The following NTRK3 variants were observed in gnomAD, a reference collection of about 807,000 sequenced individuals.
NTRK3 encodes NT-3 growth factor receptor.
NTRK3 carries 24 observed loss-of-function variants against 91.7 expected under a neutral mutation model. The observed-to-expected ratio is 0.26, with a 90% CI of 0.19 to 0.37. NTRK3 has a LOEUF of 0.37. Ranked by LOEUF, NTRK3 falls within the 10% of genes least tolerant of loss-of-function variation. The pLI, the probability that NTRK3 is intolerant of heterozygous loss-of-function variation, is 1.00. For missense variants in NTRK3, 880 were observed against 1,068.9 expected (o/e 0.82, Z 2.46); for synonymous variants, 483 against 404.0 (o/e 1.20, Z -2.34).
intron 14 of NTRK3, among the ~76,000 whole-genome samples, chr15:87,965,164 C>T (rs1401424036): frequency 6.6e-6 from 1 of 152,174 alleles, no homozygotes; most frequent in Non-Finnish European, 1.5e-5. Context: ...AGGCAGAAAG[C>T]TGAAATGTTA....
chr15:88,188,766 C>T (rs1400938190), intron 3 of NTRK3, among the ~76,000 whole-genome samples: 1 of 152,234 alleles, frequency 6.6e-6, no homozygotes, highest in Non-Finnish European at 1.5e-5. Flanking sequence ...TGTTGGCCTG[C>T]TGGACCGTGG....
At chr15:88,063,200 T>C (rs896643976) in intron 13 of NTRK3, among the ~76,000 whole-genome samples, 1 of 152,212 alleles carries the variant, frequency 6.6e-6, no homozygotes, top group African/African-American at 2.4e-5. Context: ...TAGGAGCACA[T>C]AGTGAGTGCT....
At chr15:88,082,055 T>C (rs1400639530) in intron 13 of NTRK3, among the ~76,000 whole-genome samples, 2 of 152,010 alleles carry the variant, frequency 1.3e-5, no homozygotes, top group African/African-American at 4.8e-5. Flanking sequence ...GGCAGGCAGA[T>C]CACGAGGCCA....
At chr15:88,079,586 A>G (rs191460955) in intron 13 of NTRK3, among the ~76,000 whole-genome samples, 141 of 152,352 alleles carry the variant, frequency 9.3e-4, no homozygotes, top group African/African-American at 3.2e-3. Context: ...TGGCAAGAGA[A>G]TTCTAGAACA....
intron 3 of NTRK3, among the ~76,000 whole-genome samples, chr15:88,197,106 A>AAAAC (rs2047897598): frequency 1.6e-5 from 2 of 125,440 alleles, no homozygotes; most frequent in Non-Finnish European, 3.2e-5. Context: ...AAAAAAAAAA[A>AAAAC]AAAAAAAAAA....
At chr15:88,081,796 G>C (rs2048067748) in intron 13 of NTRK3, among the ~76,000 whole-genome samples, 1 of 152,188 alleles carries the variant, frequency 6.6e-6, no homozygotes, top group Non-Finnish European at 1.5e-5. Flanking sequence ...CCAACCTCCA[G>C]GGCCCTGCCA....
chr15:88,156,744 G>A (rs1466290105), intron 5 of NTRK3, among the ~76,000 whole-genome samples: 1 of 152,150 alleles, frequency 6.6e-6, no homozygotes, highest in Middle Eastern at 3.2e-3. Flanking sequence ...CTGCTGGCCT[G>A]GAGTGACAGC....
At position 88,218,849 on chromosome 15, in the gene NTRK3, G is replaced by T. The variant is rs532165507; in HGVS notation, c.249-34550C>A. 1.1e-3 allele frequency among the ~76,000 whole-genome samples: 175 copies of T among 152,292 alleles called. 1 individual carries two copies. Among genetic ancestry groups the T allele is most frequent in the South Asian group, 3.1e-3 (15 of 4,824 alleles). ...GCTTTAGAGTGCTCAGGAATCCCTT[G>T]CCCTAAGAGTTCTCTATTCTCATCC... On this transcript the variant is annotated intron_variant, in intron 3 of 18. Coordinates refer to ENST00000394480, the Ensembl canonical transcript of NTRK3.
At chr15:87,989,391 A>T (rs2075105254) in intron 14 of NTRK3, among the ~76,000 whole-genome samples, 1 of 152,164 alleles carries the variant, frequency 6.6e-6, no homozygotes, top group African/African-American at 2.4e-5. Flanking sequence ...TTCTCAGCAA[A>T]CTATCGCAAG....
At chr15:88,056,676 TC>T (rs1476603562) in intron 13 of NTRK3, among the ~76,000 whole-genome samples, 3 of 152,238 alleles carry the variant, frequency 2.0e-5, no homozygotes, top group Non-Finnish European at 4.4e-5. Context: ...TTAGCATGGT[TC>T]CGCATGGTCT....
rs548839815 is a variant in NTRK3, at chr15:88,083,951, G to A, written c.1396+42320C>T. 1.4e-3 allele frequency among the ~76,000 whole-genome samples: 209 copies of A among 151,934 alleles called. 1 individual carries two copies. The highest frequency in any genetic ancestry group is 4.8e-3 in the African/African-American group (198 of 41,446). On this transcript the variant is annotated intron_variant, in intron 13 of 18. Coordinates refer to ENST00000394480, the Ensembl canonical transcript of NTRK3. ...CCCAGACCCTGGCAGAGACACACAC[G>A]TTTTAACAAACACTCTTCCCCTAAT...
exon 3 of NTRK3, chr15:88,256,160 T>A: frequency 6.6e-7 from 1 of 1,512,552 alleles, no homozygotes; most frequent in South Asian, 1.1e-5. Context: ...CCATCTCCGA[T>A]CGCTGCTTCT....
At chr15:88,057,745 C>T (rs2045853248) in intron 13 of NTRK3, among the ~76,000 whole-genome samples, 1 of 152,210 alleles carries the variant, frequency 6.6e-6, no homozygotes, top group South Asian at 2.1e-4. Context: ...CCACTTCCAG[C>T]CACCCAGGGC....
chr15:88,104,518 A>C (rs1206603321), intron 13 of NTRK3, among the ~76,000 whole-genome samples: 2 of 152,138 alleles, frequency 1.3e-5, no homozygotes, highest in East Asian at 3.9e-4. Flanking sequence ...TCATCAGCAC[A>C]ATGTTTTGAC....
At chr15:88,114,418 TACA>T (rs2051803546) in intron 13 of NTRK3, among the ~76,000 whole-genome samples, 1 of 152,122 alleles carries the variant, frequency 6.6e-6, no homozygotes, top group Non-Finnish European at 1.5e-5. Flanking sequence ...CTCTTTATTT[TACA>T]ACAACAAAAA....
intron 14 of NTRK3, among the ~76,000 whole-genome samples, chr15:87,985,306 A>G (rs1222122295): frequency 4.6e-5 from 7 of 152,198 alleles, no homozygotes; most frequent in Non-Finnish European, 7.3e-5. Context: ...GCATTGCCTG[A>G]CATGTATAAG....
intron 3 of NTRK3, among the ~76,000 whole-genome samples, chr15:88,193,374 C>T (rs1275026314): frequency 6.6e-6 from 1 of 152,092 alleles, no homozygotes; most frequent in Admixed American, 6.5e-5. Flanking sequence ...CTCAAGGGCC[C>T]CATATCCAGA....
At chr15:87,919,460 C>T (rs995729050) in intron 17 of NTRK3, among the ~76,000 whole-genome samples, 1 of 152,152 alleles carries the variant, frequency 6.6e-6, no homozygotes, top group Non-Finnish European at 1.5e-5. Context: ...GCCGGAGTGT[C>T]CCAGGGTGGA....
intron 13 of NTRK3, among the ~76,000 whole-genome samples, chr15:88,102,666 C>T (rs1203767348): frequency 6.6e-6 from 1 of 152,110 alleles, no homozygotes; most frequent in East Asian, 1.9e-4. Flanking sequence ...TAAAAAAAGA[C>T]ACAGGGAAGG....
Sources: allele counts gnomAD v4.1 joint callset (sites outside exome capture counted in the v4.1 genomes callset), GRCh38; gene constraint gnomAD v4.1.1; transcripts MANE v1.5; gene names NCBI Gene and HGNC (gene_info 2026-07-23, HGNC 2026-07-21).